Variants in MAP1A observed in about 807,000 individuals in gnomAD.
The protein encoded by MAP1A is microtubule associated protein 1A, also known as microtubule-associated protein 1A.
In MAP1A, 42 loss-of-function variants were observed where a neutral mutation model predicts 185.9. The observed-to-expected ratio is 0.23, with a 90% confidence interval of 0.18 to 0.29. MAP1A has a LOEUF of 0.29. MAP1A is among the 10% of genes least tolerant of loss of function. MAP1A has a pLI of 1.00. For missense variants in MAP1A, 2,995 were observed against 3,450.4 expected (o/e 0.87, Z 3.31); for synonymous variants, 1,229 against 1,335.9 (o/e 0.92, Z 1.74).
chr15:43,527,420 T>G lies in MAP1A; in HGVS notation c.5947T>G (p.Cys1983Gly). ...QMMLTGLGPA[C>G]PTREPPLGAA... ...GATGCTTACTGGGCTTGGCCCTGCA[T>G]GCCCCACTAGAGAGCCTCCACTTGG... is the stretch of plus-strand genomic sequence containing the variant. Residue 1983 changes from cysteine to glycine, a missense_variant, in exon 4 of 6, where the codon TGC becomes GGC. Physicochemically the swap from Cys to Gly is radical, Grantham distance 159 (BLOSUM62 -3). Coordinates refer to ENST00000300231, the MANE Select transcript of MAP1A (RefSeq NM_002373.6). The G allele has an allele frequency of 6.2e-7, 1 of 1,614,194 alleles. No homozygotes were observed. The highest frequency in any genetic ancestry group is 1.1e-5 in the South Asian group (1 of 91,090).
At position 43,522,930 on chromosome 15, in the gene MAP1A, T is replaced by C; in HGVS notation, c.1457T>C (p.Ile486Thr). 6.2e-7 allele frequency: 1 copy of C among 1,613,766 alleles called. No individual in the cohort carries two copies. Among genetic ancestry groups the C allele is most frequent in the Non-Finnish European group, 8.5e-7 (1 of 1,179,870 alleles). ...GCCAAGGTCCCTGGAAGAGTCAAAA[T>C]AGACAGGAGCCGTGCTATCCGTGGG... ...YKAKVPGRVK[I>T]DRSRAIRGEK... Residue 486 changes from isoleucine (I) to threonine (T), a missense_variant, in exon 4 of 6, where the codon ATA becomes ACA. Ile to Thr is a moderately conservative substitution (Grantham distance 89). This residue lies in a region of MAP1A where 2,728 missense variants were observed against 2,986.0 expected (regional missense o/e 0.91). Coordinates refer to ENST00000300231, the MANE Select transcript of MAP1A (RefSeq NM_002373.6). The surrounding 1 kb of genome is among the most constrained non-coding windows in gnomAD (Gnocchi z 5.9).
chr15:43,519,815 C>G (rs1402835255), intron 1 of MAP1A, among the ~76,000 whole-genome samples: 2 of 152,140 alleles, frequency 1.3e-5, no homozygotes, highest in African/African-American at 2.4e-5. Context: ...CTCCCCATGC[C>G]CGTGGTAGAG....
upstream of MAP1A, among the ~76,000 whole-genome samples, chr15:43,512,903 A>G (rs188129090): frequency 2.8e-3 from 426 of 152,352 alleles, 3 homozygotes; most frequent in African/African-American, 9.9e-3. Context: ...ATCAAAGCTC[A>G]CATAATGCAG....
At position 43,523,796 on chromosome 15, in the gene MAP1A, C is replaced by A. The variant is rs1371111793; in HGVS notation, c.2323C>A (p.Leu775Met). 6.2e-7 allele frequency: 1 copy of A among 1,613,970 alleles called. No homozygotes were observed. The highest frequency in any genetic ancestry group is 1.3e-5 in the African/African-American group (1 of 74,914). The change falls in exon 4 of 6, where the codon CTG becomes ATG. Residue 775 changes from leucine to methionine, a missense_variant. Physicochemically the swap from Leu to Met is conservative, Grantham distance 15 (BLOSUM62 2). Around this residue, in one of 3 missense-constraint regions of MAP1A, gnomAD observed 2,728 missense variants for 2,986.0 expected, o/e 0.91. Coordinates refer to ENST00000300231, the MANE Select transcript of MAP1A (RefSeq NM_002373.6). ...PPRFHTSTYD[L>M]PGPEGAGPFE... The stretch of plus-strand genomic sequence containing the variant: ...CAGATTTCATACAAGTACATATGAC[C>A]TGCCCGGGCCTGAAGGTGCTGGCCC...
In MAP1A at chr15:43,527,082, C is replaced by T. The variant is rs2079347653; in HGVS notation, c.5609C>T (p.Ser1870Phe). The change falls in exon 4 of 6, where the codon TCC becomes TTC. Residue 1870 changes from serine (S) to phenylalanine (F), a missense_variant. Physicochemically the swap from Ser to Phe is radical, Grantham distance 155. Around this residue, in one of 3 missense-constraint regions of MAP1A, gnomAD observed 2,728 missense variants for 2,986.0 expected, o/e 0.91. Transcript: ENST00000300231. ...GGTCCCCCCACACCTGCCCCGGAAT[C>T]CCATACTCCTGCACCCTTCTCTTGG... ...APGPPTPAPE[S>F]HTPAPFSWGT... is the part of the protein sequence containing the mutation. 1 of 1,574,422 alleles carries T rather than the reference C, an allele frequency of 6.4e-7. No homozygotes were observed.
chr15:43,523,866 C>A lies in MAP1A; in HGVS notation c.2393C>A (p.Ser798Tyr). ...GCCGATAGTGCTGTTCCTGCTACCT[C>A]TGGCAAAGTCTATGGAACGCCAGAG... ...QPADSAVPAT[S>Y]GKVYGTPETE... is the part of the protein sequence containing the mutation. The change falls in exon 4 of 6, where the codon TCT (serine) becomes TAT (tyrosine). Residue 798 changes from serine to tyrosine, a missense_variant. Physicochemically the swap from Ser to Tyr is moderately radical, Grantham distance 144. Around this residue, in one of 3 missense-constraint regions of MAP1A, gnomAD observed 2,728 missense variants for 2,986.0 expected, o/e 0.91. Transcript: ENST00000300231. The A allele has an allele frequency of 1.2e-6, 2 of 1,614,202 alleles. No individual in the cohort carries two copies. Among genetic ancestry groups the A allele is most frequent in the Non-Finnish European group, 1.7e-6 (2 of 1,180,024 alleles).
intron 1 of MAP1A, among the ~76,000 whole-genome samples, chr15:43,519,324 G>A (rs927018615): frequency 1.1e-4 from 17 of 152,156 alleles, no homozygotes; most frequent in Admixed American, 6.5e-5. Flanking sequence ...TGACACCATC[G>A]TTCATTTCCC....
Position 43,530,389 on chromosome 15 carries a change from C to A in MAP1A, c.*165C>A. On this transcript the variant is annotated 3_prime_UTR_variant, in exon 6 of 6. Transcript: ENST00000300231. ...CTAAATGGGAGGGGTTGTCCCTCCC[C>A]ATCATCCATTCCTGTGAGGTGTCTC... The A allele has an allele frequency of 2.6e-6, 2 of 782,882 alleles. No individual in the cohort carries two copies. Among genetic ancestry groups the A allele is most frequent in the Non-Finnish European group, 4.0e-6 (2 of 501,114 alleles). The allele number at this position is 782,882 out of a possible 1,614,324, so 48.5% of individuals were successfully genotyped here.
At position 43,529,727 on chromosome 15, in the gene MAP1A, A is replaced by G; in HGVS notation, c.8113A>G (p.Lys2705Glu). ...CTACATCCCGAATCATTGCAGTGGC[A>G]AGACTGCTGACCTTGACTTCTTCCG... Reference protein sequence around the residue: ...LAYIPNHCSGKTADLDFFRRV... With the variant: ...LAYIPNHCSGETADLDFFRRV... Residue 2705 changes from lysine to glutamate, a missense_variant, in exon 5 of 6, where the codon AAG (lysine) becomes GAG (glutamate). By Grantham distance (56) the Lys-to-Glu change is moderately conservative. This residue lies in a region of MAP1A where 2,728 missense variants were observed against 2,986.0 expected (regional missense o/e 0.91). Coordinates refer to ENST00000300231, the MANE Select transcript of MAP1A (RefSeq NM_002373.6). The surrounding 1 kb of genome is among the most constrained non-coding windows in gnomAD (Gnocchi z 4.3). 1 of 1,614,218 alleles carries G rather than the reference A, an allele frequency of 6.2e-7. No individual in the cohort carries two copies. Among genetic ancestry groups the G allele is most frequent in the Non-Finnish European group, 8.5e-7 (1 of 1,180,034 alleles).
intron 2 of MAP1A, 85 bp from the exon 3 acceptor site, chr15:43,520,887 G>A: frequency 7.1e-7 from 1 of 1,400,226 alleles, no homozygotes; most frequent in East Asian, 2.5e-5. Flanking sequence ...TAAGTTGGGA[G>A]CATGTTCTTG....
rs928990894 is a variant in MAP1A at position 43,529,327 on chromosome 15, T to C, written c.7854T>C (p.Pro2618=). 6.2e-7 allele frequency: 1 copy of C among 1,613,896 alleles called. No homozygotes were observed. Among genetic ancestry groups the C allele is most frequent in the Admixed American group, 1.7e-5 (1 of 60,008 alleles). Residue 2618 remains proline, a synonymous_variant, in exon 4 of 6, where the codon CCT becomes CCC. Coordinates refer to ENST00000300231, the MANE Select transcript of MAP1A (RefSeq NM_002373.6). The surrounding 1 kb of genome is among the most constrained non-coding windows in gnomAD (Gnocchi z 4.3). ...RAPGKAKPAS[P]ARRLDLRGKR... is the part of the protein sequence containing the mutation. ...CAGGCAAGGCCAAGCCAGCGTCCCCTGCACGGCGTCTGGATCTTCGGGGAA... is the reference window on the plus strand; with the variant it reads ...CAGGCAAGGCCAAGCCAGCGTCCCCCGCACGGCGTCTGGATCTTCGGGGAA...
rs1348608907 is a variant in MAP1A, at chr15:43,527,283, C to T, written c.5810C>T (p.Ala1937Val). 2.5e-6 allele frequency: 4 copies of T among 1,614,032 alleles called. No homozygotes were observed. Among genetic ancestry groups the T allele is most frequent in the South Asian group, 2.2e-5 (2 of 91,094 alleles). The change falls in exon 4 of 6, where the codon GCC becomes GTC. Residue 1937 changes from alanine (A) to valine (V), a missense_variant. Ala to Val is a moderately conservative substitution (Grantham distance 64). Coordinates refer to ENST00000300231, the MANE Select transcript of MAP1A (RefSeq NM_002373.6). Reference sequence around the variant, plus strand: ...TCACACAGCTCAAAGGTACCAGAGGCCAGCAAAAGCCATGCCACCACGGAG... The same window carrying T: ...TCACACAGCTCAAAGGTACCAGAGGTCAGCAAAAGCCATGCCACCACGGAG... ...KSSHSSKVPE[A>V]SKSHATTEPE...
upstream of MAP1A, among the ~76,000 whole-genome samples, chr15:43,513,107 T>A (rs979280201): frequency 2.6e-5 from 4 of 151,916 alleles, no homozygotes; most frequent in Non-Finnish European, 4.4e-5. Flanking sequence ...GGCGGGGAGA[T>A]CACCTGAGGT....
At position 43,524,189 on chromosome 15, in the gene MAP1A, G is replaced by A; in HGVS notation, c.2716G>A (p.Gly906Ser). The change falls in exon 4 of 6, where the codon GGC becomes AGC. Residue 906 changes from glycine (G) to serine (S), a missense_variant. Physicochemically the swap from Gly to Ser is moderately conservative, Grantham distance 56. Coordinates refer to ENST00000300231, the MANE Select transcript of MAP1A (RefSeq NM_002373.6). ...SPTSSLEEDK[G>S]FKSPPCEDFS... is the part of the protein sequence containing the mutation. ...CACCTCCTCACTGGAAGAAGACAAG[G>A]GCTTCAAATCACCACCCTGTGAGGA... The A allele has an allele frequency of 6.2e-7, 1 of 1,614,164 alleles. No homozygotes were observed.
chr15:43,521,040 T>A lies in MAP1A; in HGVS notation c.-223T>A, dbSNP rs762520240. 6.5e-7 allele frequency: 1 copy of A among 1,550,342 alleles called. No homozygotes were observed. Among genetic ancestry groups the A allele is most frequent in the Non-Finnish European group, 8.7e-7 (1 of 1,146,846 alleles). On this transcript the variant is annotated 5_prime_UTR_variant, in exon 3 of 6. Transcript: ENST00000300231. The surrounding 1 kb of genome is among the most constrained non-coding windows in gnomAD (Gnocchi z 4.6). ...TCTTGAGTGGGCAAAGTTTAGAGCC[T>A]GGGGGAGACCTCATCCTACAGAGTG...
At position 43,523,154 on chromosome 15, in the gene MAP1A, C is replaced by G; in HGVS notation, c.1681C>G (p.Leu561Val). The change falls in exon 4 of 6, where the codon CTA (leucine) becomes GTA (valine). Residue 561 changes from leucine (L) to valine (V), a missense_variant. Physicochemically the swap from Leu to Val is conservative, Grantham distance 32. This residue lies in a region of MAP1A where 2,728 missense variants were observed against 2,986.0 expected (regional missense o/e 0.91). Coordinates refer to ENST00000300231, the MANE Select transcript of MAP1A (RefSeq NM_002373.6). ...AGGACTAGGAGATAAGCCATTCCCT[C>G]TAGACACTGCAGAGGAGGGACCCCC... ...DTGLGDKPFP[L>V]DTAEEGPPST... is the part of the protein sequence containing the mutation. 1 of 1,614,138 alleles carries G rather than the reference C, an allele frequency of 6.2e-7. No individual in the cohort carries two copies. The highest frequency in any genetic ancestry group is 1.1e-5 in the South Asian group (1 of 91,080).
rs746769374 is a variant in MAP1A, at chr15:43,520,714, C to T, written c.-301C>T. ...TGGTAAATCCCAGTGCAGACAGCAT[C>T]AGCTCTGAGGTAAGGCCAGGGCCTG... is the stretch of plus-strand genomic sequence containing the variant. On this transcript the variant is annotated 5_prime_UTR_variant, in exon 2 of 6. Coordinates refer to ENST00000300231, the MANE Select transcript of MAP1A (RefSeq NM_002373.6). 7.7e-6 allele frequency: 12 copies of T among 1,549,300 alleles called. No homozygotes were observed. In the African/African-American group the frequency reaches 1.6e-4, roughly 21 times the overall value.
chr15:43,529,174 C>G lies in MAP1A; in HGVS notation c.7701C>G (p.Asp2567Glu). The G allele has an allele frequency of 1.2e-6, 2 of 1,612,448 alleles. No homozygotes were observed. The highest frequency in any genetic ancestry group is 1.1e-5 in the South Asian group (1 of 90,998). ...ACCCACCTCCTCTCCCACAGCCAGA[C>G]CCCCGCCCATCCCCTCCCCGCCCTG... ...GHDPPPLPQP[D>E]PRPSPPRPDV... is the part of the protein sequence containing the mutation. Residue 2567 changes from aspartate (D) to glutamate (E), a missense_variant, in exon 4 of 6, where the codon GAC (aspartate) becomes GAG (glutamate). By Grantham distance (45) the Asp-to-Glu change is conservative. Around this residue, in one of 3 missense-constraint regions of MAP1A, gnomAD observed 2,728 missense variants for 2,986.0 expected, o/e 0.91. Transcript: ENST00000300231. This position sits in a 1 kb window ranked among gnomAD's most constrained non-coding sequence, Gnocchi z 4.3.
chr15:43,520,847 C>T, intron 2 of MAP1A, 124 bp downstream of exon 2: 1 of 1,313,262 alleles, frequency 7.6e-7, no homozygotes, highest in Non-Finnish European at 1.1e-6. Flanking sequence ...GTATTGTCTC[C>T]AGCCCACTCT....
Sources: allele counts gnomAD v4.1 joint callset (sites outside exome capture counted in the v4.1 genomes callset), GRCh38; gene constraint gnomAD v4.1.1; regional missense constraint gnomAD v4.1.1; non-coding constraint Gnocchi (gnomAD v3.1); transcripts MANE v1.5; gene names NCBI Gene and HGNC (gene_info 2026-07-23, HGNC 2026-07-21).